Variants in SGCZ observed in about 807,000 individuals in gnomAD.
SGCZ encodes the protein sarcoglycan zeta, also known as zeta-sarcoglycan.
In SGCZ, 40 loss-of-function variants were observed where a neutral mutation model predicts 41.3. The observed-to-expected ratio is 0.97, with a 90% CI of 0.75 to 1.26. The LOEUF (loss-of-function observed/expected upper bound fraction) is 1.26. Ranked by LOEUF, SGCZ falls within the 50% of genes most tolerant of loss-of-function variation. SGCZ has a pLI of 0.00. For missense variants in SGCZ, 552 were observed against 369.8 expected (o/e 1.49, Z -4.04); for synonymous variants, 206 against 137.5 (o/e 1.50, Z -3.49).
At chr8:14,497,734 C>G (rs1802033270) in intron 2 of SGCZ, among the ~76,000 whole-genome samples, 1 of 152,070 alleles carries the variant, frequency 6.6e-6, no homozygotes, top group Non-Finnish European at 1.5e-5. Flanking sequence ...GGGATCCACC[C>G]CATGATCTAA....
intron 2 of SGCZ, among the ~76,000 whole-genome samples, chr8:14,330,681 T>C (rs1376277250): frequency 6.6e-6 from 1 of 152,050 alleles, no homozygotes; most frequent in Non-Finnish European, 1.5e-5. Flanking sequence ...AATGATCTCA[T>C]GGTAATTCAC....
Position 14,530,293 on chromosome 8 carries a change from T to C in SGCZ, c.234+24439A>G, listed in dbSNP as rs144757028. ...CTAGTCAGTCTCAAAATATAAGTGA[T>C]CTTATATGAAAATTTTTTAACTTAT... On this transcript the variant is annotated intron_variant, in intron 2 of 7. Coordinates refer to ENST00000382080, the MANE Select transcript of SGCZ (RefSeq NM_139167.4). Among the ~76,000 whole-genome samples the C allele has an allele frequency of 9.3e-3, 1,411 of 152,134 alleles. 22 individuals carry two copies. Among genetic ancestry groups the C allele is most frequent in the African/African-American group, 0.031 (1,293 of 41,536 alleles).
chr8:14,734,517 T>A (rs1008050046), intron 1 of SGCZ, among the ~76,000 whole-genome samples: 1 of 152,164 alleles, frequency 6.6e-6, no homozygotes, highest in Non-Finnish European at 1.5e-5. Flanking sequence ...GAACTTAGTA[T>A]TTTTGCCACA....
At chr8:14,302,989 C>T (rs1725123532) in intron 3 of SGCZ, among the ~76,000 whole-genome samples, 1 of 152,174 alleles carries the variant, frequency 6.6e-6, no homozygotes, top group Non-Finnish European at 1.5e-5. Flanking sequence ...TGAGCACTTG[C>T]TCAGGGCCTC....
At chr8:14,544,564 T>C (rs1803567166) in intron 2 of SGCZ, among the ~76,000 whole-genome samples, 1 of 152,044 alleles carries the variant, frequency 6.6e-6, no homozygotes, top group South Asian at 2.1e-4. Flanking sequence ...AATGCGTTCC[T>C]GGGGGAGGTC....
chr8:14,207,350 TATC>T (rs1301459998), intron 4 of SGCZ, among the ~76,000 whole-genome samples: 3 of 152,202 alleles, frequency 2.0e-5, no homozygotes, highest in African/African-American at 7.2e-5. Context: ...TACTTAACAT[TATC>T]ATATTCTGCC....
intron 1 of SGCZ, among the ~76,000 whole-genome samples, chr8:14,682,322 C>T (rs968476509): frequency 6.6e-6 from 1 of 152,166 alleles, no homozygotes; most frequent in Non-Finnish European, 1.5e-5. Flanking sequence ...AAAGGCCTCC[C>T]ATCCACCAGA....
intron 2 of SGCZ, 31 bp from the exon 3 acceptor site, chr8:14,324,235 G>A: frequency 2.0e-6 from 3 of 1,508,486 alleles, no homozygotes; most frequent in Non-Finnish European, 2.8e-6. Flanking sequence ...TTCACTTTTA[G>A]GTTAATTGGA....
intron 1 of SGCZ, among the ~76,000 whole-genome samples, chr8:14,841,553 G>A (rs1327462113): frequency 6.6e-6 from 1 of 152,072 alleles, no homozygotes; most frequent in African/African-American, 2.4e-5. Context: ...TAAATAGTAG[G>A]TTTCCATAAG....
chr8:14,993,483 A>C (rs1304745858), intron 1 of SGCZ, among the ~76,000 whole-genome samples: 2 of 152,186 alleles, frequency 1.3e-5, no homozygotes, highest in African/African-American at 4.8e-5. Context: ...TAAATATATC[A>C]TTTCAGAAGA....
At chr8:14,782,222 C>T (rs1800613922) in intron 1 of SGCZ, among the ~76,000 whole-genome samples, 1 of 152,230 alleles carries the variant, frequency 6.6e-6, no homozygotes, top group South Asian at 2.1e-4. Context: ...TTAAGCACTT[C>T]CTTAATATAA....
chr8:14,785,296 C>G (rs982457085), intron 1 of SGCZ, among the ~76,000 whole-genome samples: 5 of 151,858 alleles, frequency 3.3e-5, no homozygotes, highest in African/African-American at 1.2e-4. Context: ...AAAAAGTTGT[C>G]CTTTCTCAAC....
At chr8:15,230,487 A>C (rs1278500268) in intron 1 of SGCZ, among the ~76,000 whole-genome samples, 1 of 152,260 alleles carries the variant, frequency 6.6e-6, no homozygotes, top group Non-Finnish European at 1.5e-5. Context: ...TAAAATGAGA[A>C]GATAATATTC....
At chr8:14,532,038 A>C (rs1056479402) in intron 2 of SGCZ, among the ~76,000 whole-genome samples, 3 of 152,118 alleles carry the variant, frequency 2.0e-5, no homozygotes, top group Non-Finnish European at 4.4e-5. Context: ...AAAATAGAAA[A>C]TCATTTTTCT....
At chr8:15,069,867 T>G (rs1210080540) in intron 1 of SGCZ, among the ~76,000 whole-genome samples, 1 of 152,160 alleles carries the variant, frequency 6.6e-6, no homozygotes, top group Non-Finnish European at 1.5e-5. Flanking sequence ...CCTGTGCTCT[T>G]TTCTTTATGA....
At chr8:14,962,549 G>T (rs1008278537) in intron 1 of SGCZ, among the ~76,000 whole-genome samples, 10 of 151,932 alleles carry the variant, frequency 6.6e-5, no homozygotes, top group African/African-American at 2.4e-4. Context: ...ATAGTTACTG[G>T]TTTCTCTGTA....
At chr8:14,283,797 A>G (rs529393400) in intron 3 of SGCZ, among the ~76,000 whole-genome samples, 1 of 152,340 alleles carries the variant, frequency 6.6e-6, no homozygotes, top group South Asian at 2.1e-4. Flanking sequence ...AACAGCAGCC[A>G]TAGGCAGTGC....
chr8:14,158,782 G>A (rs1462643451), intron 5 of SGCZ, among the ~76,000 whole-genome samples: 1 of 152,088 alleles, frequency 6.6e-6, no homozygotes, highest in East Asian at 1.9e-4. Flanking sequence ...ATGTTTGCTT[G>A]TTTTGAGATG....
chr8:14,353,542 T>G (rs1803176897), intron 2 of SGCZ, among the ~76,000 whole-genome samples: 1 of 152,130 alleles, frequency 6.6e-6, no homozygotes. Flanking sequence ...TGAATCATTC[T>G]GCGAATGGAT....
Sources: gnomAD v4.1 joint callset for allele counts (sites outside exome capture counted in the v4.1 genomes callset) on GRCh38, gnomAD v4.1.1 for gene constraint, MANE v1.5 for transcripts, NCBI Gene and HGNC (gene_info 2026-07-23, HGNC 2026-07-21) for gene names.